ASTN2: variants seen among roughly 807,000 people sequenced by gnomAD.
The protein encoded by ASTN2 is astrotactin 2.
A neutral mutation model predicts 139.8 loss-of-function variants in ASTN2; 54 were observed. The observed-to-expected ratio is 0.39, with a 90% CI of 0.31 to 0.48. The LOEUF is 0.48. ASTN2 is among the 20% of genes least tolerant of loss of function. The probability of loss-of-function intolerance (pLI) is 0.95; values close to 1 mark genes in which losing one functional copy is unlikely to be tolerated. For synonymous variants in ASTN2, 756 were observed against 719.5 expected, an observed-to-expected ratio of 1.05 and a Z score of -0.81; for missense variants, 1,565 against 1,725.1, an observed-to-expected ratio of 0.91 and a Z score of 1.64.
At chr9:117,303,540 C>A (rs1834927293) in intron 1 of ASTN2, among the ~76,000 whole-genome samples, 1 of 152,180 alleles carries the variant, frequency 6.6e-6, no homozygotes, top group Non-Finnish European at 1.5e-5. Context: ...ACATTTGATG[C>A]AGCCAAACCA....
intron 7 of ASTN2, among the ~76,000 whole-genome samples, chr9:116,998,580 T>C (rs1025817037): frequency 6.6e-6 from 1 of 152,134 alleles, no homozygotes; most frequent in African/African-American, 2.4e-5. Flanking sequence ...CATACATCCA[T>C]CCATACATCC....
At chr9:117,299,311 C>G (rs777646264) in intron 1 of ASTN2, among the ~76,000 whole-genome samples, 31 of 152,312 alleles carry the variant, frequency 2.0e-4, no homozygotes, top group Admixed American at 1.4e-3. Flanking sequence ...AGTCAACCAA[C>G]CTCTTCTGAG....
At chr9:117,215,306 C>T (rs918175106) in intron 2 of ASTN2, among the ~76,000 whole-genome samples, 9 of 152,056 alleles carry the variant, frequency 5.9e-5, no homozygotes, top group African/African-American at 2.2e-4. Flanking sequence ...ATAATGTCTG[C>T]ATAGTCTGTA....
At chr9:117,093,226 C>T (rs1350957861) in intron 5 of ASTN2, among the ~76,000 whole-genome samples, 2 of 152,200 alleles carry the variant, frequency 1.3e-5, no homozygotes, top group Non-Finnish European at 2.9e-5. Flanking sequence ...CTGAGACTCC[C>T]TTCCTGTCCC....
At chr9:116,728,284 T>A (rs1399497068) in intron 15 of ASTN2, among the ~76,000 whole-genome samples, 2 of 152,116 alleles carry the variant, frequency 1.3e-5, no homozygotes. Flanking sequence ...GACTTGTTAA[T>A]GTCTTGATAT....
intron 2 of ASTN2, among the ~76,000 whole-genome samples, chr9:117,241,532 C>T (rs113437476): frequency 0.016 from 2,413 of 152,270 alleles, 73 homozygotes; most frequent in African/African-American, 0.055. Context: ...GATCATCAGG[C>T]ATGAGTTGGA....
intron 2 of ASTN2, among the ~76,000 whole-genome samples, chr9:117,262,105 A>G (rs761522069): frequency 3.3e-5 from 5 of 152,220 alleles, no homozygotes; most frequent in Admixed American, 1.3e-4. Flanking sequence ...ATCTGAGCCT[A>G]GTAATTTCCA....
At chr9:116,465,035 C>T (rs1199626632) in intron 20 of ASTN2, among the ~76,000 whole-genome samples, 1 of 152,184 alleles carries the variant, frequency 6.6e-6, no homozygotes, top group Non-Finnish European at 1.5e-5. Context: ...ATGGACCCGG[C>T]TCTGTGCTTC....
At chr9:116,848,213 G>A (rs2132317840) in intron 11 of ASTN2, among the ~76,000 whole-genome samples, 1 of 152,312 alleles carries the variant, frequency 6.6e-6, no homozygotes, top group South Asian at 2.1e-4. Flanking sequence ...CTTGGAGAGG[G>A]AAGATGACTT....
chr9:117,310,870 C>T (rs898647171), intron 1 of ASTN2, among the ~76,000 whole-genome samples: 7 of 152,152 alleles, frequency 4.6e-5, no homozygotes, highest in South Asian at 4.1e-4. Flanking sequence ...GCAATCTTCC[C>T]GCCTTGGTTT....
intron 19 of ASTN2, among the ~76,000 whole-genome samples, chr9:116,581,537 C>T (rs1853953167): frequency 6.6e-6 from 1 of 152,160 alleles, no homozygotes; most frequent in African/African-American, 2.4e-5. Context: ...CCGACAACCC[C>T]CCAAATTCTA....
At chr9:117,193,898 C>G (rs1831418479) in intron 3 of ASTN2, among the ~76,000 whole-genome samples, 1 of 152,128 alleles carries the variant, frequency 6.6e-6, no homozygotes, top group Non-Finnish European at 1.5e-5. Flanking sequence ...CATCTGGGGC[C>G]TCAGAACAGA....
intron 16 of ASTN2, among the ~76,000 whole-genome samples, chr9:116,675,837 G>A (rs1184843058): frequency 6.6e-6 from 1 of 152,122 alleles, no homozygotes; most frequent in East Asian, 1.9e-4. Context: ...ATTGTGAATT[G>A]CCATTTAGAG....
chr9:116,697,733 A>G (rs771805940), intron 16 of ASTN2: 1 of 1,613,768 alleles, frequency 6.2e-7, no homozygotes. Context: ...TACCCTTCAA[A>G]GGAAGAGCAA....
At chr9:116,544,628 G>C (rs890248652) in intron 19 of ASTN2, among the ~76,000 whole-genome samples, 1 of 152,100 alleles carries the variant, frequency 6.6e-6, no homozygotes, top group Non-Finnish European at 1.5e-5. Flanking sequence ...TTGATGGATT[G>C]GTTCTTTGGG....
In ASTN2 at chr9:117,258,772, G is replaced by T. The variant is rs191131477; in HGVS notation, c.630+32554C>A. ...TGCATCTTGAAGCCTCCTTGTGCTT[G>T]CATATGTTGTGCCCTCTGTCTGAAA... On this transcript the variant is annotated intron_variant, in intron 2 of 22. Transcript: ENST00000313400. 8.4e-4 allele frequency among the ~76,000 whole-genome samples: 128 copies of T among 152,144 alleles called. No homozygotes were observed. The Middle Eastern group carries it at 0.01, about 12-fold the overall frequency.
chr9:116,989,652 C>A (rs947852112), intron 7 of ASTN2, among the ~76,000 whole-genome samples: 1 of 147,124 alleles, frequency 6.8e-6, no homozygotes, highest in Middle Eastern at 3.6e-3. Flanking sequence ...TGTGCAATCT[C>A]GGCTCACTGC....
chr9:117,313,326 C>T (rs1828036217), intron 1 of ASTN2, among the ~76,000 whole-genome samples: 1 of 152,162 alleles, frequency 6.6e-6, no homozygotes. Context: ...GCTCCAGTTC[C>T]AAGGCAGCCA....
intron 19 of ASTN2, among the ~76,000 whole-genome samples, chr9:116,561,115 T>C (rs577401136): frequency 6.6e-6 from 1 of 152,094 alleles, no homozygotes; most frequent in Non-Finnish European, 1.5e-5. Context: ...AGAGAGAGTG[T>C]GTCCCTGCTT....
Sources: gnomAD v4.1 joint callset for allele counts (sites outside exome capture counted in the v4.1 genomes callset) on GRCh38, gnomAD v4.1.1 for gene constraint, MANE v1.5 for transcripts, NCBI Gene and HGNC (gene_info 2026-07-23, HGNC 2026-07-21) for gene names.